KCNK9: variants seen among roughly 807,000 people sequenced by gnomAD.
KCNK9 encodes the protein potassium two pore domain channel subfamily K member 9.
A neutral mutation model predicts 10.8 loss-of-function variants in KCNK9; 1 was observed. The observed-to-expected ratio is 0.09, with a 90% CI of 0.03 to 0.44. The LOEUF is 0.44. Ranked by LOEUF, KCNK9 falls within the 20% of genes least tolerant of loss-of-function variation. The pLI is 0.97. For synonymous variants in KCNK9, 231 were observed against 222.7 expected, an observed-to-expected ratio of 1.04 and a Z score of -0.33; for missense variants, 303 against 515.0, an observed-to-expected ratio of 0.59 and a Z score of 3.98.
At position 139,662,540 on chromosome 8, in the gene KCNK9, C is replaced by G. The variant is rs11995457; in HGVS notation, c.283+40170G>C. On this transcript the variant is annotated intron_variant, in intron 1 of 1. Coordinates refer to ENST00000520439, the MANE Select transcript of KCNK9 (RefSeq NM_001282534.2). The stretch of plus-strand genomic sequence containing the variant: ...CCAGCCGCTGGCCTGACCCCATGCA[C>G]CAGGTCCTACCAGGTCCAGGCTTGG... Among the ~76,000 whole-genome samples, 6 of 152,218 alleles carry G rather than the reference C, an allele frequency of 3.9e-5. No individual in the cohort carries two copies. The South Asian group carries it at 1.2e-3, about 32-fold the overall frequency.
At chr8:139,681,147 T>C (rs1816679959) in intron 1 of KCNK9, among the ~76,000 whole-genome samples, 1 of 152,182 alleles carries the variant, frequency 6.6e-6, no homozygotes, top group Admixed American at 6.5e-5. Flanking sequence ...CTTCCACATG[T>C]GATCCCATGT....
At chr8:139,656,660 A>AAATTTG (rs1382238020) in intron 1 of KCNK9, among the ~76,000 whole-genome samples, 4 of 152,106 alleles carry the variant, frequency 2.6e-5, no homozygotes, top group African/African-American at 9.7e-5. Context: ...GAGGAGCTCA[A>AAATTTG]CCCCACACAG....
chr8:139,603,938 C>G (rs1817428964), intron 2 of KCNK9, among the ~76,000 whole-genome samples: 1 of 152,218 alleles, frequency 6.6e-6, no homozygotes, highest in Non-Finnish European at 1.5e-5. Flanking sequence ...GCCACTGGAC[C>G]CCAGGATGCA....
chr8:139,680,270 A>G (rs1007181985), intron 1 of KCNK9, among the ~76,000 whole-genome samples: 1 of 152,224 alleles, frequency 6.6e-6, no homozygotes, highest in Admixed American at 6.5e-5. Context: ...CAGAGGGGGC[A>G]GGCGGGGCCC....
downstream of KCNK9, among the ~76,000 whole-genome samples, chr8:139,614,828 C>T (rs138931911): frequency 1.4e-4 from 21 of 152,318 alleles, no homozygotes; most frequent in African/African-American, 5.1e-4. Context: ...TTCATCTATC[C>T]ACTCCAAATA....
intron 1 of KCNK9, among the ~76,000 whole-genome samples, chr8:139,680,941 G>A (rs533690984): frequency 6.6e-6 from 1 of 152,210 alleles, no homozygotes; most frequent in Admixed American, 6.5e-5. Flanking sequence ...CCTCCTATCA[G>A]CCCCTCTCCT....
chr8:139,697,020 G>A (rs1474300515), intron 1 of KCNK9, among the ~76,000 whole-genome samples: 1 of 151,130 alleles, frequency 6.6e-6, no homozygotes, highest in African/African-American at 2.4e-5. Context: ...CGGATGGATG[G>A]TGGATGGGTA....
rs903331454 is a variant in KCNK9, at chr8:139,702,416, T to G, written c.283+294A>C. Among the ~76,000 whole-genome samples, 1 of 151,962 alleles carries G rather than the reference T, an allele frequency of 6.6e-6. No individual in the cohort carries two copies. Among genetic ancestry groups the G allele is most frequent in the Non-Finnish European group, 1.5e-5 (1 of 67,958 alleles). On this transcript the variant is annotated intron_variant, in intron 1 of 1. Coordinates refer to ENST00000520439, the MANE Select transcript of KCNK9 (RefSeq NM_001282534.2). The surrounding 1 kb of genome is among the most constrained non-coding windows in gnomAD (Gnocchi z 7.5). ...TGGGATTATTCTTAGCGCTCCACTC[T>G]CTTCGCAAAAGTGGCGCCTCCGCCC...
At chr8:139,636,610 G>C (rs867972220) in intron 1 of KCNK9, among the ~76,000 whole-genome samples, 4 of 152,222 alleles carry the variant, frequency 2.6e-5, no homozygotes, top group African/African-American at 9.7e-5. Context: ...CAGAAGGGCA[G>C]AGCGAGGACC....
At chr8:139,637,221 T>A (rs1815364274) in intron 1 of KCNK9, among the ~76,000 whole-genome samples, 1 of 152,214 alleles carries the variant, frequency 6.6e-6, no homozygotes, top group Non-Finnish European at 1.5e-5. Flanking sequence ...GACAGAATCA[T>A]GACCTGCATG....
intron 2 of KCNK9, among the ~76,000 whole-genome samples, chr8:139,603,341 G>A (rs1563707597): frequency 6.6e-6 from 1 of 152,198 alleles, no homozygotes; most frequent in Non-Finnish European, 1.5e-5. Flanking sequence ...CTGTTGTGGG[G>A]TTAGAATCTC....
chr8:139,655,687 C>T (rs1816003604), intron 1 of KCNK9, among the ~76,000 whole-genome samples: 1 of 152,314 alleles, frequency 6.6e-6, no homozygotes, highest in East Asian at 1.9e-4. Flanking sequence ...ATGTCTGACT[C>T]TAAGCAGATG....
chr8:139,684,646 A>G (rs1211340926), intron 1 of KCNK9, among the ~76,000 whole-genome samples: 2 of 152,226 alleles, frequency 1.3e-5, no homozygotes, highest in African/African-American at 4.8e-5. Context: ...AAGAAATAAC[A>G]ACAAACATAA....
At chr8:139,621,468 A>T (rs1814779792) in intron 1 of KCNK9, among the ~76,000 whole-genome samples, 1 of 152,294 alleles carries the variant, frequency 6.6e-6, no homozygotes, top group Admixed American at 6.5e-5. Context: ...ATACAGGGGA[A>T]CAATAATATA....
At chr8:139,629,849 C>T (rs1815104899) in intron 1 of KCNK9, among the ~76,000 whole-genome samples, 1 of 152,178 alleles carries the variant, frequency 6.6e-6, no homozygotes, top group African/African-American at 2.4e-5. Flanking sequence ...CATTTAACCT[C>T]AATTACCTCT....
intron 1 of KCNK9, among the ~76,000 whole-genome samples, chr8:139,687,427 T>TATATATTC (rs1445169182): frequency 1.9e-4 from 26 of 138,702 alleles, no homozygotes; most frequent in African/African-American, 6.3e-4. Flanking sequence ...TGTGTATACA[T>TATATATTC]ATATATTCAT....
intron 1 of KCNK9, among the ~76,000 whole-genome samples, chr8:139,685,742 T>C (rs1816775598): frequency 6.6e-6 from 1 of 152,238 alleles, no homozygotes; most frequent in Non-Finnish European, 1.5e-5. Flanking sequence ...ACAATAAACA[T>C]ACATGTGCAT....
chr8:139,604,759 A>AGCCCTGGGTAG (rs1817449917), intron 2 of KCNK9, among the ~76,000 whole-genome samples: 1 of 152,176 alleles, frequency 6.6e-6, no homozygotes, highest in South Asian at 2.1e-4. Context: ...TTCCTGGATG[A>AGCCCTGGGTAG]GCCCTGGGTA....
At chr8:139,623,488 C>T (rs894397099) in intron 1 of KCNK9, among the ~76,000 whole-genome samples, 10 of 152,230 alleles carry the variant, frequency 6.6e-5, no homozygotes, top group East Asian at 5.8e-4. Flanking sequence ...GTGCCCAACA[C>T]GAGCAGGTGC....
Sources: gnomAD v4.1 joint callset for allele counts (sites outside exome capture counted in the v4.1 genomes callset) on GRCh38, gnomAD v4.1.1 for gene constraint, Gnocchi (gnomAD v3.1) non-coding constraint, MANE v1.5 for transcripts, NCBI Gene and HGNC (gene_info 2026-07-23, HGNC 2026-07-21) for gene names.